BAZ1A: variants seen among roughly 807,000 people sequenced by gnomAD.
BAZ1A encodes the protein bromodomain adjacent to zinc finger domain protein 1A.
BAZ1A carries 50 observed loss-of-function variants against 185.2 expected under a neutral mutation model. That is an observed-to-expected ratio of 0.27 (90% CI 0.22 to 0.34). The LOEUF is 0.34. BAZ1A is among the 10% of genes least tolerant of loss of function. The probability of loss-of-function intolerance (pLI) is 1.00; values close to 1 mark genes in which losing one functional copy is unlikely to be tolerated. For synonymous variants in BAZ1A, 571 were observed against 615.6 expected (o/e 0.93, Z 1.07); for missense variants, 1,356 against 1,839.9 (o/e 0.74, Z 4.81).
intron 23 of BAZ1A, among the ~76,000 whole-genome samples, chr14:34,762,465 G>GT (rs1404111779): frequency 6.6e-6 from 1 of 150,554 alleles, no homozygotes; most frequent in African/African-American, 2.5e-5. Flanking sequence ...AATATTTTAT[G>GT]TTTTCTTTTC....
chr14:34,819,013 C>T (rs1231137670), intron 4 of BAZ1A, among the ~76,000 whole-genome samples: 1 of 151,412 alleles, frequency 6.6e-6, no homozygotes, highest in South Asian at 2.1e-4. Flanking sequence ...TGGTGGCAGG[C>T]GCCTGTAGTC....
At position 34,760,339 on chromosome 14, in the gene BAZ1A, A is replaced by G. The variant is rs569159788; in HGVS notation, c.4243+1418T>C. 9.2e-5 allele frequency among the ~76,000 whole-genome samples: 14 copies of G among 152,374 alleles called. No homozygotes were observed. In the South Asian group the frequency reaches 2.9e-3, roughly 32 times the overall value. On this transcript the variant is annotated intron_variant, in intron 24 of 26. Transcript: ENST00000360310. Reference sequence around the variant, plus strand: ...AGCTAAATTAGATCCTGACTGGTACAAAATTAGGATACTTCCCCTAAAAAA... The same window carrying G: ...AGCTAAATTAGATCCTGACTGGTACGAAATTAGGATACTTCCCCTAAAAAA...
rs1432914565 is a variant in BAZ1A at position 34,752,827 on chromosome 14, AG to A, written c.*680del. ...AAAGCTGAAAGAACTGTCAGGAAAA[AG>A]GGAGGGTGTTACTTTTTTTGATTGA... On this transcript the variant is annotated 3_prime_UTR_variant, in exon 27 of 27. Transcript: ENST00000360310. 3 of 152,222 alleles carry A rather than the reference AG, an allele frequency of 2.0e-5. No homozygotes were observed. Among genetic ancestry groups the A allele is most frequent in the Non-Finnish European group, 1.5e-5 (1 of 68,032 alleles). 9.4% of individuals were successfully genotyped at this position (152,222 alleles called of 1,614,324 possible).
Position 34,794,849 on chromosome 14 carries a change from A to T in BAZ1A, c.1263T>A (p.Pro421=). Reference sequence around the variant, plus strand: ...TCAGAGCATCACCAAAGATTTCAGGAGGTAGTCTAGTTTTCACTGGTGTTG... The same window carrying T: ...TCAGAGCATCACCAAAGATTTCAGGTGGTAGTCTAGTTTTCACTGGTGTTG... ...PEPTPVKTRL[P]PEIFGDALMV... Residue 421 remains proline, a synonymous_variant, in exon 11 of 27, where the codon CCT becomes CCA. Transcript: ENST00000360310. 1 of 1,614,102 alleles carries T rather than the reference A, an allele frequency of 6.2e-7. No individual in the cohort carries two copies.
At chr14:34,843,958 C>T (rs949327835) in intron 3 of BAZ1A, among the ~76,000 whole-genome samples, 2 of 152,026 alleles carry the variant, frequency 1.3e-5, no homozygotes, top group Non-Finnish European at 2.9e-5. Flanking sequence ...GTAATCCCAG[C>T]ACTTTGGGAG....
intron 3 of BAZ1A, among the ~76,000 whole-genome samples, chr14:34,844,987 TTATC>T (rs1234973943): frequency 3.9e-5 from 6 of 152,180 alleles, no homozygotes; most frequent in Admixed American, 6.5e-5. Context: ...ATTCATTCAT[TTATC>T]TATTATATAT....
chr14:34,864,432 C>T (rs184416219), intron 2 of BAZ1A, among the ~76,000 whole-genome samples: 17 of 152,010 alleles, frequency 1.1e-4, no homozygotes, highest in Admixed American at 1.3e-4. Context: ...CATGAGCCAC[C>T]GCATTCAGTC....
rs1594927414 is a variant in BAZ1A at position 34,874,845 on chromosome 14, C to T, written c.-58-183G>A. ...GTCGAGCGAGCGGAGCCGCCGCCGC[C>T]CCTGCCCCCCGAGCGCGCCCTACCT... On this transcript the variant is annotated intron_variant, in intron 1 of 26. Transcript: ENST00000360310. This position sits in a 1 kb window ranked among gnomAD's most constrained non-coding sequence, Gnocchi z 4.7. The T allele has an allele frequency of 2.4e-6, 1 of 425,180 alleles. No homozygotes were observed. The allele number at this position is 425,180 out of a possible 1,614,324, so 26.3% of individuals were successfully genotyped here.
At chr14:34,787,167 A>C (rs1267202629) in intron 12 of BAZ1A, among the ~76,000 whole-genome samples, 3 of 150,210 alleles carry the variant, frequency 2.0e-5, no homozygotes, top group Non-Finnish European at 4.4e-5. Flanking sequence ...ATCTTGGCCA[A>C]CATGGTGAAA....
chr14:34,793,983 T>C (rs1428859118), intron 11 of BAZ1A, among the ~76,000 whole-genome samples: 1 of 150,206 alleles, frequency 6.7e-6, no homozygotes, highest in Non-Finnish European at 1.5e-5. Context: ...AAGAAAAAAA[T>C]TAGCTGGGCA....
intron 2 of BAZ1A, among the ~76,000 whole-genome samples, chr14:34,870,026 T>C (rs1431801974): frequency 6.6e-6 from 1 of 152,020 alleles, no homozygotes; most frequent in Non-Finnish European, 1.5e-5. Flanking sequence ...GCTAAGTGAG[T>C]GAGCCCAGAG....
intron 2 of BAZ1A, among the ~76,000 whole-genome samples, chr14:34,866,863 A>G (rs545060134): frequency 3.3e-5 from 5 of 152,234 alleles, no homozygotes; most frequent in African/African-American, 1.2e-4. Flanking sequence ...ACATTTAAAA[A>G]TTTTAAAATA....
chr14:34,777,684 T>G (rs10148768), intron 17 of BAZ1A, among the ~76,000 whole-genome samples: 1,786 of 150,526 alleles, frequency 0.012, 40 homozygotes, highest in African/African-American at 0.04. Context: ...TTAGCTTAGC[T>G]TATGAGTTAT....
intron 2 of BAZ1A, among the ~76,000 whole-genome samples, chr14:34,872,865 G>GA (rs71435822): frequency 7.6e-6 from 1 of 131,974 alleles, no homozygotes; most frequent in Non-Finnish European, 1.5e-5. Flanking sequence ...GATACTCTTA[G>GA]TTTTTTTTTT....
intron 17 of BAZ1A, 119 bp from the exon 18 acceptor site, chr14:34,776,634 A>G: frequency 1.3e-6 from 1 of 763,408 alleles, no homozygotes; most frequent in Non-Finnish European, 2.1e-6. Context: ...TCCCCTCTCC[A>G]CAACCCCAAG....
intron 12 of BAZ1A, among the ~76,000 whole-genome samples, chr14:34,787,224 A>T (rs1399369971): frequency 1.3e-5 from 2 of 150,558 alleles, no homozygotes; most frequent in African/African-American, 4.9e-5. Context: ...GTGGTGGCGC[A>T]TGCCTGTAGT....
chr14:34,866,598 T>C (rs1428478023), intron 2 of BAZ1A, among the ~76,000 whole-genome samples: 4 of 151,874 alleles, frequency 2.6e-5, no homozygotes, highest in African/African-American at 9.7e-5. Context: ...TACATTGGTA[T>C]ACTTTTTTCC....
chr14:34,858,373 G>GC lies in BAZ1A; in HGVS notation c.392+3670dup, dbSNP rs563136133. ...CCTGGGTTCAAGCAATTCTGCCTCA[G>GC]CCTCCTGAGTAACTGGAATTATAGG... On this transcript the variant is annotated intron_variant, in intron 3 of 26. Coordinates refer to ENST00000360310, the MANE Select transcript of BAZ1A (RefSeq NM_013448.3). 7.3e-4 allele frequency among the ~76,000 whole-genome samples: 111 copies of GC among 152,246 alleles called. 2 individuals are homozygous for GC. Among genetic ancestry groups the GC allele is most frequent in the Non-Finnish European group, 1.2e-3 (82 of 68,024 alleles).
chr14:34,823,671 A>T (rs747790270), intron 4 of BAZ1A, among the ~76,000 whole-genome samples: 14 of 152,002 alleles, frequency 9.2e-5, no homozygotes, highest in South Asian at 4.2e-4. Context: ...CAAAAAAAAA[A>T]TTTTTCAGAT....
Sources: gnomAD v4.1 joint callset for allele counts (sites outside exome capture counted in the v4.1 genomes callset) on GRCh38, gnomAD v4.1.1 for gene constraint, Gnocchi (gnomAD v3.1) non-coding constraint, MANE v1.5 for transcripts, NCBI Gene and HGNC (gene_info 2026-07-23, HGNC 2026-07-21) for gene names.